Variants in SYP observed in about 807,000 individuals in gnomAD.
SYP encodes major synaptic vesicle protein P38.
In SYP, 2 loss-of-function variants were observed where a neutral mutation model predicts 24.3. The observed-to-expected ratio is 0.08, with a 90% CI of 0.03 to 0.26. The LOEUF (loss-of-function observed/expected upper bound fraction) is 0.26, where lower values mean the gene tolerates loss of function less well. SYP is among the 10% of genes least tolerant of loss of function. The pLI, the probability that SYP is intolerant of heterozygous loss-of-function variation, is 1.00. For synonymous variants in SYP, 143 were observed against 123.2 expected, an observed-to-expected ratio of 1.16 and a Z score of -1.07; for missense variants, 216 against 266.3, an observed-to-expected ratio of 0.81 and a Z score of 1.32.
Position 49,191,434 on chromosome X carries a change from A to C in SYP, c.*3T>G, listed in dbSNP as rs1602609732. On this transcript the variant is annotated splice_region_variant and 3_prime_UTR_variant, in exon 6 of 7. Transcript: ENST00000263233. ...CCGCACCGCTCGCCGGTCACTCACC[A>C]GACTACATCTGATTGGAGAAGGAGG... is the stretch of plus-strand genomic sequence containing the variant. 1.6e-5 allele frequency: 19 copies of C among 1,210,841 alleles called. No individual in the cohort carries two copies. The East Asian group carries it at 5.6e-4, about 36-fold the overall frequency.
At chrX:49,192,731 G>A (rs1557102915) in intron 5 of SYP, among the ~76,000 whole-genome samples, 1 of 111,908 alleles carries the variant, frequency 8.9e-6, no homozygotes, top group African/African-American at 3.3e-5. Context: ...CCTTGTATAC[G>A]ACTTACCTTG....
At chrX:49,198,844 C>T in intron 2 of SYP, 124 bp downstream of exon 2, 2 of 809,692 alleles carry the variant, frequency 2.5e-6, no homozygotes, top group Non-Finnish European at 3.6e-6. Flanking sequence ...AGCCCAATTC[C>T]CCCATCCCCT....
rs1449745132 is a variant in SYP at position 49,188,154 on chromosome X, C to G, written c.*1133G>C. The G allele has an allele frequency of 9.0e-6, 1 of 111,276 alleles. No individual in the cohort carries two copies. Among genetic ancestry groups the G allele is most frequent in the Non-Finnish European group, 1.9e-5 (1 of 52,977 alleles). 9.2% of individuals were successfully genotyped at this position (111,276 alleles called of 1,213,427 possible). ...CCTCCTATTAACCTAGCTGTTTCAT[C>G]ACGGGAGTGGGGAAGGGTGTGTGTG... On this transcript the variant is annotated 3_prime_UTR_variant, in exon 7 of 7. Coordinates refer to ENST00000263233, the MANE Select transcript of SYP (RefSeq NM_003179.3).
At chrX:49,189,986 C>T (rs192022816) in intron 6 of SYP, among the ~76,000 whole-genome samples, 115 of 110,660 alleles carry the variant, frequency 1.0e-3, no homozygotes, top group African/African-American at 2.9e-3. Context: ...AAGGTAGGAC[C>T]CACAGGATTT....
At chrX:49,199,487 T>C (rs1425169518) in intron 1 of SYP, among the ~76,000 whole-genome samples, 2 of 101,701 alleles carry the variant, frequency 2.0e-5, no homozygotes, top group East Asian at 6.4e-4. Flanking sequence ...TGGCGGTAGA[T>C]ATTTGAGGTG....
rs1557102718 is a variant in SYP at position 49,191,517 on chromosome X, C to T, written c.862G>A (p.Gly288Ser). ...CCATAGTCGCCCTGAGGCCCGTAGC[C>T]ACTGCCACCGCTGCCGGCTGGTTGA... ...YGQPAGSGGS[G>S]YGPQGDYGQQ... Residue 288 changes from glycine to serine, a missense_variant, in exon 6 of 7, where the codon GGC becomes AGC. This residue lies in a region of SYP where 114 missense variants were observed against 107.9 expected (regional missense o/e 1.06). Transcript: ENST00000263233. 4.1e-6 allele frequency: 5 copies of T among 1,211,300 alleles called. No individual in the cohort carries two copies. Among genetic ancestry groups the T allele is most frequent in the Non-Finnish European group, 5.6e-6 (5 of 895,405 alleles).
At position 49,193,320 on chromosome X, in the gene SYP, T is replaced by G. The variant is rs1557102990; in HGVS notation, c.567A>C (p.Thr189=). 8.2e-7 allele frequency: 1 copy of G among 1,212,222 alleles called. No individual in the cohort carries two copies. Among genetic ancestry groups the G allele is most frequent in the Non-Finnish European group, 1.1e-6 (1 of 895,580 alleles). Residue 189 remains threonine (T), a synonymous_variant, in exon 5 of 7, where the codon ACA becomes ACC. Transcript: ENST00000263233. ...TCACAGGGTCTCTCAGCTCCTTGCA[T>G]GTGTTCCCTGTCTGGCGGCAGACAG... ...EMPVCRQTGN[T]CKELRDPVTS...
chrX:49,199,168 C>T, intron 1 of SYP, 135 bp from the exon 2 acceptor site: 1 of 617,525 alleles, frequency 1.6e-6, no homozygotes, highest in Non-Finnish European at 2.6e-6. Flanking sequence ...AAAGTGACAC[C>T]TTGGGGATGG....
intron 3 of SYP, among the ~76,000 whole-genome samples, chrX:49,194,704 CTTTTTTTTTTT>C (rs34247999): frequency 1.7e-5 from 1 of 57,407 alleles, no homozygotes; most frequent in Non-Finnish European, 3.0e-5. Context: ...CCCTCATCTC[CTTTTTTTTTTT>C]TTTTTTTTTT....
intron 2 of SYP, chrX:49,198,058 G>A: frequency 2.3e-6 from 1 of 436,823 alleles, no homozygotes; most frequent in Non-Finnish European, 4.0e-6. Flanking sequence ...CTCTGTCTCT[G>A]CCTTTCCATG....
intron 1 of SYP, 108 bp from the exon 2 acceptor site, chrX:49,199,141 G>T: frequency 2.6e-6 from 2 of 770,448 alleles, no homozygotes; most frequent in Non-Finnish European, 2.0e-6. Flanking sequence ...TGACCTCGGG[G>T]AGAGGGTGAG....
rs2065520298 is a variant in SYP, at chrX:49,194,152, C to T, written c.423+14G>A. ...CCCCATGGTCCCTACATGCAAGTGGCTGTGGGGACTCACCAGCATGGGCCC... is the reference window on the plus strand; with the variant it reads ...CCCCATGGTCCCTACATGCAAGTGGTTGTGGGGACTCACCAGCATGGGCCC... On this transcript the variant is annotated intron_variant, in intron 4 of 6. Coordinates refer to ENST00000263233, the MANE Select transcript of SYP (RefSeq NM_003179.3). The T allele has an allele frequency of 8.3e-7, 1 of 1,209,967 alleles. No homozygotes were observed. Among genetic ancestry groups the T allele is most frequent in the East Asian group, 3.0e-5 (1 of 33,843 alleles).
chrX:49,192,416 C>T (rs1209653399), intron 5 of SYP, among the ~76,000 whole-genome samples: 1 of 112,436 alleles, frequency 8.9e-6, no homozygotes, highest in Non-Finnish European at 1.9e-5. Flanking sequence ...TGGTCTTGAA[C>T]TCCCGACCTC....
At chrX:49,194,466 G>C in intron 3 of SYP, 105 bp from the exon 4 acceptor site, 1 of 784,505 alleles carries the variant, frequency 1.3e-6, no homozygotes, top group South Asian at 2.4e-5. Flanking sequence ...AGGAAGAGGA[G>C]GAAATAACCA....
chrX:49,189,462 T>C (rs781817910), intron 6 of SYP, among the ~76,000 whole-genome samples, 180 bp from the exon 7 acceptor site: 2 of 111,120 alleles, frequency 1.8e-5, no homozygotes, highest in East Asian at 5.6e-4. Context: ...CTGGGTTAGG[T>C]ACCAAAGAGA....
chrX:49,191,542 A>G lies in SYP; in HGVS notation c.837T>C (p.Gly279=), dbSNP rs373495385. 35 of 1,209,023 alleles carry G rather than the reference A, an allele frequency of 2.9e-5. No homozygotes were observed. The East Asian group carries it at 9.2e-4, about 32-fold the overall frequency. Residue 279 remains glycine, a synonymous_variant, in exon 6 of 7, where the codon GGT becomes GGC. Coordinates refer to ENST00000263233, the MANE Select transcript of SYP (RefSeq NM_003179.3). ...CACTGCCACCGCTGCCGGCTGGTTG[A>G]CCATAGTCAGGCTGGTAGCCGCCCT... is the stretch of plus-strand genomic sequence containing the variant. ...GPQGGYQPDY[G]QPAGSGGSGY... is the part of the protein sequence containing the mutation.
rs2065496165 is a variant in SYP, at chrX:49,188,750, C to G, written c.*537G>C. 1 of 111,194 alleles carries G rather than the reference C, an allele frequency of 9.0e-6. No homozygotes were observed. Among genetic ancestry groups the G allele is most frequent in the Non-Finnish European group, 1.9e-5 (1 of 52,990 alleles). 9.2% of individuals were successfully genotyped at this position (111,194 alleles called of 1,213,427 possible). A position where few individuals can be genotyped will look rare whatever the true frequency, so the allele number is the denominator to read the frequency against. ...CTGCTGACCCCTCCACTCCACACCT[C>G]CTCTCCAAGACCACCTTGGGTCCTA... On this transcript the variant is annotated 3_prime_UTR_variant, in exon 7 of 7. Transcript: ENST00000263233.
At chrX:49,191,201 G>A (rs2065506760) in intron 6 of SYP, 2 of 438,393 alleles carry the variant, frequency 4.6e-6, no homozygotes, top group Non-Finnish European at 7.9e-6. Context: ...CCCTCCCATT[G>A]GCTCTTCATT....
chrX:49,191,459 G>T lies in SYP; in HGVS notation c.920C>A (p.Thr307Asn), dbSNP rs1218095990. The T allele has an allele frequency of 8.3e-7, 1 of 1,210,350 alleles. No homozygotes were observed. The highest frequency in any genetic ancestry group is 1.1e-6 in the Non-Finnish European group (1 of 895,249). Reference sequence around the variant, plus strand: ...AGACTACATCTGATTGGAGAAGGAGGTGGGTGCACCCTGCGGGCCGTAGCC... The same window carrying T: ...AGACTACATCTGATTGGAGAAGGAGTTGGGTGCACCCTGCGGGCCGTAGCC... ...QQGYGPQGAP[T>N]SFSNQM The change falls in exon 6 of 7, where the codon ACC (threonine) becomes AAC (asparagine). Residue 307 changes from threonine (T) to asparagine (N), a missense_variant. Thr to Asn is a moderately conservative substitution (Grantham distance 65). Transcript: ENST00000263233.
Sources: gnomAD v4.1 joint callset for allele counts (sites outside exome capture counted in the v4.1 genomes callset) on GRCh38, gnomAD v4.1.1 for gene constraint, gnomAD v4.1.1 regional missense constraint, MANE v1.5 for transcripts, NCBI Gene and HGNC (gene_info 2026-07-23, HGNC 2026-07-21) for gene names.